The following OPN5 variants were observed in gnomAD, a reference collection of about 807,000 sequenced individuals.
The protein encoded by OPN5 is opsin 5.
Under a neutral mutation model 41.7 loss-of-function variants are expected in OPN5, and 18 were observed. The ratio of observed to expected loss-of-function variants is 0.43; its 90% CI spans 0.30 to 0.64. OPN5 has a LOEUF of 0.64. Among genes scored for constraint, OPN5 ranks in the 30% least tolerant of loss-of-function variants. OPN5 has a pLI of 0.13. For missense variants in OPN5, 318 were observed against 434.5 expected (o/e 0.73, Z 2.38); for synonymous variants, 178 against 164.3 (o/e 1.08, Z -0.64).
At chr6:47,795,295 G>C in exon 4 of OPN5, 2 of 1,613,814 alleles carry the variant, frequency 1.2e-6, no homozygotes, top group Non-Finnish European at 1.7e-6. Context: ...GCTTCCTTCT[G>C]GACCACCATG....
At chr6:47,820,953 A>G (rs1436738767) in intron 6 of OPN5, among the ~76,000 whole-genome samples, 1 of 152,226 alleles carries the variant, frequency 6.6e-6, no homozygotes, top group African/African-American at 2.4e-5. Flanking sequence ...TGTATTATAT[A>G]CTGTATTCTT....
intron 1 of OPN5, 52 bp from the exon 2 acceptor site, chr6:47,786,463 G>A (rs765714061): frequency 1.1e-5 from 17 of 1,546,996 alleles, no homozygotes; most frequent in Admixed American, 3.5e-5. Flanking sequence ...TCATATCTGA[G>A]TGAACTCGAA....
intron 4 of OPN5, among the ~76,000 whole-genome samples, chr6:47,798,743 A>T (rs1391713996): frequency 1.3e-5 from 2 of 152,168 alleles, no homozygotes; most frequent in East Asian, 3.8e-4. Flanking sequence ...CATCTTCAGT[A>T]CTAAATTGAA....
At chr6:47,789,310 T>C (rs892081716) in intron 2 of OPN5, among the ~76,000 whole-genome samples, 3 of 152,288 alleles carry the variant, frequency 2.0e-5, no homozygotes, top group African/African-American at 7.2e-5. Context: ...AAAACAACAG[T>C]TTCCATCTAC....
chr6:47,818,750 A>T (rs1762506228), intron 6 of OPN5, among the ~76,000 whole-genome samples: 1 of 152,174 alleles, frequency 6.6e-6, no homozygotes, highest in South Asian at 2.1e-4. Flanking sequence ...GCAGGCATGG[A>T]AAATCAGCAG....
At chr6:47,794,936 G>T (rs994482958) in intron 3 of OPN5, 23 of 317,938 alleles carry the variant, frequency 7.2e-5, no homozygotes, top group Non-Finnish European at 1.2e-4. Context: ...GGCCTCCATT[G>T]TCTTCAGCAT....
intron 6 of OPN5, among the ~76,000 whole-genome samples, chr6:47,815,917 G>A (rs1429206607): frequency 6.6e-6 from 1 of 152,066 alleles, no homozygotes; most frequent in African/African-American, 2.4e-5. Flanking sequence ...CATTATCATT[G>A]AAACTGCTTT....
intron 6 of OPN5, among the ~76,000 whole-genome samples, chr6:47,822,993 AAC>A (rs1375405963): frequency 4.6e-5 from 7 of 152,208 alleles, no homozygotes; most frequent in African/African-American, 1.7e-4. Context: ...TGCTCTGAGT[AAC>A]ACAAGAAAAT....
chr6:47,812,072 A>G (rs1018826584), intron 6 of OPN5, among the ~76,000 whole-genome samples: 9 of 152,116 alleles, frequency 5.9e-5, no homozygotes, highest in African/African-American at 2.2e-4. Flanking sequence ...TTATTACATC[A>G]TTGTCATTAT....
At chr6:47,795,322 G>T (rs1413712031) in exon 4 of OPN5, 1 of 1,613,930 alleles carries the variant, frequency 6.2e-7, no homozygotes, top group Non-Finnish European at 8.5e-7. Flanking sequence ...GTAGGTCTGG[G>T]GGACTACGTA....
At chr6:47,783,810 A>G (rs540266615) in intron 1 of OPN5, among the ~76,000 whole-genome samples, 2 of 152,342 alleles carry the variant, frequency 1.3e-5, no homozygotes, top group Admixed American at 6.5e-5. Context: ...AATTAACAGA[A>G]AAGGCAGAAA....
chr6:47,815,694 G>T (rs1762408647), intron 6 of OPN5, among the ~76,000 whole-genome samples: 1 of 152,046 alleles, frequency 6.6e-6, no homozygotes, highest in African/African-American at 2.4e-5. Context: ...CAGGGAATTT[G>T]CTAAGAAAAC....
At chr6:47,818,940 T>A (rs1762511944) in intron 6 of OPN5, among the ~76,000 whole-genome samples, 1 of 151,904 alleles carries the variant, frequency 6.6e-6, no homozygotes, top group Admixed American at 6.6e-5. Flanking sequence ...GCAAGAGAAT[T>A]TCCTGTCTCA....
chr6:47,793,049 C>G (rs1773435130), intron 3 of OPN5, among the ~76,000 whole-genome samples: 2 of 149,340 alleles, frequency 1.3e-5, no homozygotes, highest in Admixed American at 6.7e-5. Context: ...ATAGAAATAG[C>G]TTGAATCAAA....
chr6:47,801,694 A>G (rs1263244837), intron 4 of OPN5, among the ~76,000 whole-genome samples: 1 of 152,188 alleles, frequency 6.6e-6, no homozygotes, highest in Non-Finnish European at 1.5e-5. Flanking sequence ...ATCTTCTTGG[A>G]ACATATCACA....
intron 6 of OPN5, among the ~76,000 whole-genome samples, chr6:47,821,342 G>A (rs1163167798): frequency 2.0e-5 from 3 of 152,222 alleles, no homozygotes; most frequent in African/African-American, 7.2e-5. Flanking sequence ...AAGCCACATG[G>A]GTGTGGGAGG....
At chr6:47,789,646 C>A (rs144156594) in intron 2 of OPN5, among the ~76,000 whole-genome samples, 2 of 152,256 alleles carry the variant, frequency 1.3e-5, no homozygotes, top group Non-Finnish European at 2.9e-5. Flanking sequence ...AAAGATGGCA[C>A]TAACCATCTA....
chr6:47,811,647 A>C, intron 5 of OPN5, 27 bp from the exon 6 acceptor site: 1 of 1,551,586 alleles, frequency 6.4e-7, no homozygotes, highest in East Asian at 2.2e-5. Context: ...TAGATATTAA[A>C]TTGCATTTTT....
At chr6:47,816,796 A>G (rs1209020815) in intron 6 of OPN5, among the ~76,000 whole-genome samples, 1 of 152,126 alleles carries the variant, frequency 6.6e-6, no homozygotes, top group Non-Finnish European at 1.5e-5. Flanking sequence ...TGATTCATGT[A>G]TCACCTGTAA....
Sources: gnomAD v4.1 joint callset for allele counts (sites outside exome capture counted in the v4.1 genomes callset) on GRCh38, gnomAD v4.1.1 for gene constraint, MANE v1.5 for transcripts, NCBI Gene and HGNC (gene_info 2026-07-23, HGNC 2026-07-21) for gene names.